Variants in LARP4 observed in about 807,000 individuals in gnomAD.
The protein encoded by LARP4 is la-related protein 4.
A neutral mutation model predicts 92.9 loss-of-function variants in LARP4; 29 were observed. The observed-to-expected ratio is 0.31, with a 90% CI of 0.23 to 0.43. The LOEUF (loss-of-function observed/expected upper bound fraction) is 0.43, where lower values mean the gene tolerates loss of function less well. Ranked by LOEUF, LARP4 falls within the 20% of genes least tolerant of loss-of-function variation. The pLI, the probability that LARP4 is intolerant of heterozygous loss-of-function variation, is 1.00. For synonymous variants in LARP4, 279 were observed against 284.1 expected, an observed-to-expected ratio of 0.98 and a Z score of 0.18; for missense variants, 732 against 860.0, an observed-to-expected ratio of 0.85 and a Z score of 1.86.
intron 8 of LARP4, among the ~76,000 whole-genome samples, chr12:50,452,569 T>A (rs1476612918): frequency 6.6e-6 from 1 of 152,218 alleles, no homozygotes; most frequent in Admixed American, 6.5e-5. Context: ...AAAAGTTCCC[T>A]TTTCTCCATA....
chr12:50,411,930 G>A (rs1434764755), intron 1 of LARP4, among the ~76,000 whole-genome samples: 2 of 152,088 alleles, frequency 1.3e-5, no homozygotes, highest in South Asian at 2.1e-4. Flanking sequence ...TGATCCACCC[G>A]CCTTGGCCTC....
intron 4 of LARP4, among the ~76,000 whole-genome samples, chr12:50,431,889 T>A (rs1276863823): frequency 6.6e-6 from 1 of 152,084 alleles, no homozygotes; most frequent in African/African-American, 2.4e-5. Context: ...TACTTTAGCC[T>A]GTACTTTGGG....
intron 1 of LARP4, among the ~76,000 whole-genome samples, chr12:50,419,198 A>T (rs1947335131): frequency 6.6e-6 from 1 of 151,866 alleles, no homozygotes; most frequent in South Asian, 2.1e-4. Flanking sequence ...CCATCTCTGT[A>T]AAAAATACAA....
intron 13 of LARP4, 139 bp downstream of exon 13, chr12:50,467,259 A>G: frequency 1.7e-6 from 1 of 599,770 alleles, no homozygotes; most frequent in Non-Finnish European, 2.7e-6. Context: ...GCATACTTAG[A>G]GTGTTTTTTT....
chr12:50,447,759 A>G (rs1446586327), intron 8 of LARP4, among the ~76,000 whole-genome samples: 2 of 152,056 alleles, frequency 1.3e-5, no homozygotes, highest in African/African-American at 4.8e-5. Flanking sequence ...CTGTCTTCCC[A>G]GGCTGGTCTC....
In LARP4 at chr12:50,476,362, G is replaced by A. The variant is rs4491331; in HGVS notation, c.*498G>A. The stretch of plus-strand genomic sequence containing the variant: ...ACTATATGGCCTTGTATTGCAAAGC[G>A]GATCAGTGGCTGGGGTGCCTGTTGT... On this transcript the variant is annotated 3_prime_UTR_variant, in exon 16 of 16. Coordinates refer to ENST00000398473, the MANE Select transcript of LARP4 (RefSeq NM_052879.5). The A allele has an allele frequency of 0.98, 149,874 of 152,768 alleles. 73,578 individuals carry two copies. The highest frequency in any genetic ancestry group is 1 in the East Asian group (5,184 of 5,184). The allele number at this position is 152,768 out of a possible 1,614,324, so 9.5% of individuals were successfully genotyped here.
intron 12 of LARP4, 62 bp from the exon 13 acceptor site, chr12:50,466,897 T>C (rs1956220660): frequency 6.8e-7 from 1 of 1,480,824 alleles, no homozygotes; most frequent in Non-Finnish European, 9.2e-7. Context: ...TTTCAGCTTC[T>C]GTGACACAGG....
chr12:50,469,389 A>G (rs1381897287), intron 13 of LARP4, among the ~76,000 whole-genome samples: 5 of 150,708 alleles, frequency 3.3e-5, no homozygotes, highest in Non-Finnish European at 5.9e-5. Context: ...CAGATCACGA[A>G]GTCAGGAGAT....
chr12:50,435,415 AAGTG>A, intron 4 of LARP4, 69 bp from the exon 5 acceptor site: 3 of 892,376 alleles, frequency 3.4e-6, no homozygotes, highest in East Asian at 2.5e-5. Context: ...AAAGTAGGAA[AAGTG>A]AGTAAGATAC....
At chr12:50,418,780 G>A (rs974656783) in intron 1 of LARP4, among the ~76,000 whole-genome samples, 2 of 152,142 alleles carry the variant, frequency 1.3e-5, no homozygotes, top group African/African-American at 4.8e-5. Flanking sequence ...GTACAATCAT[G>A]TGATCTTGGC....
At chr12:50,436,698 T>C (rs892769003) in intron 5 of LARP4, among the ~76,000 whole-genome samples, 1 of 152,236 alleles carries the variant, frequency 6.6e-6, no homozygotes, top group Admixed American at 6.5e-5. Flanking sequence ...TGGTAACCTC[T>C]TAAGAGTGGG....
chr12:50,443,920 A>G (rs1177937603), intron 8 of LARP4, among the ~76,000 whole-genome samples: 2 of 152,148 alleles, frequency 1.3e-5, no homozygotes, highest in Non-Finnish European at 2.9e-5. Flanking sequence ...GCCAGATATC[A>G]CTGTTTTAAT....
Position 50,479,788 on chromosome 12 carries a change from G to C in LARP4, c.*3924G>C, listed in dbSNP as rs1217232827. On this transcript the variant is annotated 3_prime_UTR_variant, in exon 16 of 16. Transcript: ENST00000398473. ...TGTCCTTTGCATCTCTTAAATGTTG[G>C]GGGTGGGGGTCAGAGCCAGTTATCC... 6.6e-6 allele frequency: 1 copy of C among 151,952 alleles called. No homozygotes were observed. The highest frequency in any genetic ancestry group is 2.4e-5 in the African/African-American group (1 of 41,316). 9.4% of individuals were successfully genotyped at this position (151,952 alleles called of 1,614,324 possible).
At chr12:50,471,810 A>G (rs1309103374) in intron 13 of LARP4, among the ~76,000 whole-genome samples, 2 of 152,218 alleles carry the variant, frequency 1.3e-5, no homozygotes, top group Non-Finnish European at 2.9e-5. Flanking sequence ...GGTGTGAGCC[A>G]CTGCGCCTGG....
intron 10 of LARP4, among the ~76,000 whole-genome samples, chr12:50,459,822 CAAAAAAAAAAAAA>C (rs59855735): frequency 1.0e-5 from 1 of 99,874 alleles, no homozygotes; most frequent in African/African-American, 5.3e-5. Context: ...GACTCCGTAT[CAAAAAAAAAAAAA>C]AAAAAAAAAA....
chr12:50,461,785 T>G (rs562551594), intron 11 of LARP4, among the ~76,000 whole-genome samples: 1 of 152,124 alleles, frequency 6.6e-6, no homozygotes, highest in African/African-American at 2.4e-5. Flanking sequence ...GGTGAAACCC[T>G]GTCTCTATGA....
intron 1 of LARP4, among the ~76,000 whole-genome samples, chr12:50,413,022 G>A (rs900780198): frequency 6.6e-5 from 10 of 152,002 alleles, no homozygotes; most frequent in African/African-American, 2.2e-4. Flanking sequence ...AGGAGTTTGA[G>A]AACAGCATGA....
intron 1 of LARP4, among the ~76,000 whole-genome samples, chr12:50,409,214 G>T (rs1416006188): frequency 2.6e-5 from 4 of 152,052 alleles, no homozygotes; most frequent in African/African-American, 9.7e-5. Context: ...TAGAAACATG[G>T]ACTCTGGGGC....
chr12:50,410,288 G>A (rs796414509), intron 1 of LARP4, among the ~76,000 whole-genome samples: 4 of 152,022 alleles, frequency 2.6e-5, no homozygotes, highest in African/African-American at 9.6e-5. Context: ...TGGCTAGGCT[G>A]GTTTGAACTC....
Sources: gnomAD v4.1 joint callset for allele counts (sites outside exome capture counted in the v4.1 genomes callset) on GRCh38, gnomAD v4.1.1 for gene constraint, MANE v1.5 for transcripts, NCBI Gene and HGNC (gene_info 2026-07-23, HGNC 2026-07-21) for gene names.